SH3RF2: variants seen among roughly 807,000 people sequenced by gnomAD.
SH3RF2 encodes the protein E3 ubiquitin-protein ligase SH3RF2.
A neutral mutation model predicts 59.0 loss-of-function variants in SH3RF2; 43 were observed. That is an observed-to-expected ratio of 0.73 (90% CI 0.57 to 0.94). The LOEUF is 0.94. Among genes scored for constraint, SH3RF2 ranks in the 40% least tolerant of loss-of-function variants. The pLI is 0.00. For synonymous variants in SH3RF2, 391 were observed against 391.5 expected (o/e 1.00, Z 0.01); for missense variants, 930 against 940.1 (o/e 0.99, Z 0.14).
intron 2 of SH3RF2, among the ~76,000 whole-genome samples, chr5:145,988,736 T>A (rs1484065527): frequency 6.6e-6 from 1 of 152,218 alleles, no homozygotes; most frequent in Non-Finnish European, 1.5e-5. Context: ...GTAAGATCAC[T>A]GTGAGCTTTC....
chr5:146,002,586 A>T (rs114363180), intron 3 of SH3RF2, among the ~76,000 whole-genome samples: 1 of 152,086 alleles, frequency 6.6e-6, no homozygotes, highest in African/African-American at 2.4e-5. Flanking sequence ...GGGGCCCCCA[A>T]CCCCAGGACC....
In SH3RF2 at chr5:145,949,952, C is replaced by T. The variant is rs184027963; in HGVS notation, c.378+11646C>T. 2.6e-5 allele frequency among the ~76,000 whole-genome samples: 4 copies of T among 152,306 alleles called. No individual in the cohort carries two copies. In the East Asian group the frequency reaches 7.7e-4, roughly 29 times the overall value. Reference sequence around the variant, plus strand: ...GATATTCCTGGGATTCCTACCTTCCCATTCCAGTTGCTATCCCAAAGCCTG... The same window carrying T: ...GATATTCCTGGGATTCCTACCTTCCTATTCCAGTTGCTATCCCAAAGCCTG... On this transcript the variant is annotated intron_variant, in intron 2 of 9. Coordinates refer to ENST00000359120, the MANE Select transcript of SH3RF2 (RefSeq NM_152550.4).
chr5:145,969,051 T>C (rs575103034), intron 2 of SH3RF2, among the ~76,000 whole-genome samples: 1 of 152,274 alleles, frequency 6.6e-6, no homozygotes, highest in African/African-American at 2.4e-5. Flanking sequence ...GCTTCTCAGG[T>C]CCCACCAGAT....
chr5:145,981,534 G>A (rs896016158), intron 2 of SH3RF2, among the ~76,000 whole-genome samples: 62 of 152,034 alleles, frequency 4.1e-4, no homozygotes, highest in African/African-American at 1.4e-3. Flanking sequence ...TTTTTCCCAT[G>A]CAGTTTATTT....
chr5:146,042,443 A>G (rs1762162845), intron 5 of SH3RF2, among the ~76,000 whole-genome samples: 1 of 152,284 alleles, frequency 6.6e-6, no homozygotes, highest in Admixed American at 6.5e-5. Context: ...CCTCATAACA[A>G]CTCTAAGAGA....
chr5:146,038,089 T>C (rs1257202893), intron 5 of SH3RF2, among the ~76,000 whole-genome samples: 2 of 152,228 alleles, frequency 1.3e-5, no homozygotes, highest in African/African-American at 4.8e-5. Context: ...ATGTGATATT[T>C]TCAATAGGTA....
chr5:146,022,877 ACACACACAC>A (rs1561747548), intron 5 of SH3RF2, among the ~76,000 whole-genome samples: 1,623 of 7,302 alleles, frequency 0.22, 37 homozygotes, highest in Admixed American at 0.28. Flanking sequence ...CCATCTAAAC[ACACACACAC>A]ACACACACAC....
At position 146,049,214 on chromosome 5, in the gene SH3RF2, T is replaced by G. The variant is rs1202598669; in HGVS notation, c.1291T>G (p.Phe431Val). The G allele has an allele frequency of 1.2e-6, 2 of 1,613,500 alleles. No individual in the cohort carries two copies. Among genetic ancestry groups the G allele is most frequent in the Non-Finnish European group, 1.7e-6 (2 of 1,179,718 alleles). The change falls in exon 7 of 10, where the codon TTC (phenylalanine) becomes GTC (valine). Residue 431 changes from phenylalanine to valine, a missense_variant. By Grantham distance (50) the Phe-to-Val change is conservative. Transcript: ENST00000359120. Reference sequence around the variant, plus strand: ...CTTGGTCACCGGGCGAGTCGGCATCTTCCCAAACAATTACGTCATCCCCAT... The same window carrying G: ...CTTGGTCACCGGGCGAGTCGGCATCGTCCCAAACAATTACGTCATCCCCAT... ...VSLVTGRVGIFPNNYVIPIFR... is the reference protein window; with the variant it reads ...VSLVTGRVGIVPNNYVIPIFR...
intron 5 of SH3RF2, chr5:146,043,801 C>A (rs960923879): frequency 1.3e-5 from 2 of 152,220 alleles, no homozygotes; most frequent in African/African-American, 4.8e-5. Flanking sequence ...TTGCATGTAT[C>A]ACTGAGGAGT....
Position 146,000,125 on chromosome 5 carries a change from G to C in SH3RF2, c.446G>C (p.Gly149Ala). 1 of 1,613,840 alleles carries C rather than the reference G, an allele frequency of 6.2e-7. No individual in the cohort carries two copies. The highest frequency in any genetic ancestry group is 8.5e-7 in the Non-Finnish European group (1 of 1,179,886). ...CCCGGTGACCTAAGGTTTAATAAGG[G>C]AGATATCATCCTTCTCCGGAGACAG... ...QNPGDLRFNK[G>A]DIILLRRQLD... Residue 149 changes from glycine to alanine, a missense_variant, in exon 3 of 10, where the codon GGA (glycine) becomes GCA (alanine). By Grantham distance (60) the Gly-to-Ala change is moderately conservative. Transcript: ENST00000359120.
chr5:145,938,642 G>A (rs79495715), intron 2 of SH3RF2, among the ~76,000 whole-genome samples: 3,240 of 152,164 alleles, frequency 0.021, 123 homozygotes, highest in African/African-American at 0.074. Context: ...GGAAATGCAC[G>A]GAGGGTGGGG....
intron 7 of SH3RF2, 116 bp downstream of exon 7, chr5:146,049,361 G>A (rs1027214205): frequency 3.0e-5 from 37 of 1,247,720 alleles, no homozygotes; most frequent in African/African-American, 6.1e-5. Flanking sequence ...CCAAGAAAGC[G>A]CTTTTTGCTC....
intron 2 of SH3RF2, among the ~76,000 whole-genome samples, chr5:145,962,145 T>C (rs1026238588): frequency 6.6e-6 from 1 of 152,162 alleles, no homozygotes; most frequent in Non-Finnish European, 1.5e-5. Flanking sequence ...GAGCAATTGC[T>C]GTACCAAAGG....
rs144355535 is a variant in SH3RF2 at position 146,056,006 on chromosome 5, C to A, written c.1348C>A (p.Arg450=). 1.2e-6 allele frequency: 2 copies of A among 1,613,974 alleles called. No homozygotes were observed. Among genetic ancestry groups the A allele is most frequent in the Non-Finnish European group, 1.7e-6 (2 of 1,179,988 alleles). ...AAAGACCTCTAGTTTTCCAGACTCCCGGAGCCCTGGTCTCTACACCACATG... is the reference window on the plus strand; with the variant it reads ...AAAGACCTCTAGTTTTCCAGACTCCAGGAGCCCTGGTCTCTACACCACATG... ...FRKTSSFPDS[R]SPGLYTTWTL... Residue 450 remains arginine (R), a synonymous_variant, in exon 8 of 10, where the codon CGG becomes AGG. Coordinates refer to ENST00000359120, the MANE Select transcript of SH3RF2 (RefSeq NM_152550.4).
chr5:146,023,973 T>C (rs1761431426), intron 5 of SH3RF2, among the ~76,000 whole-genome samples: 1 of 152,256 alleles, frequency 6.6e-6, no homozygotes, highest in Non-Finnish European at 1.5e-5. Flanking sequence ...CATTCTATTG[T>C]ATGAATATAC....
At chr5:145,972,846 C>G (rs1488364393) in intron 2 of SH3RF2, among the ~76,000 whole-genome samples, 1 of 152,090 alleles carries the variant, frequency 6.6e-6, no homozygotes, top group Non-Finnish European at 1.5e-5. Context: ...CGTGCAATAC[C>G]CTGATCCTAG....
intron 2 of SH3RF2, among the ~76,000 whole-genome samples, chr5:145,961,519 G>A (rs1202424620): frequency 6.6e-6 from 1 of 152,170 alleles, no homozygotes; most frequent in Non-Finnish European, 1.5e-5. Flanking sequence ...GGACCCAAAT[G>A]CCTAAAATAC....
In SH3RF2 at chr5:146,003,174, ACT is replaced by A. The variant is rs917310458; in HGVS notation, c.649-883_649-882del. Among the ~76,000 whole-genome samples the A allele has an allele frequency of 7.9e-5, 12 of 152,214 alleles. 1 individual carries two copies. Among genetic ancestry groups the A allele is most frequent in the Non-Finnish European group, 1.8e-4 (12 of 68,044 alleles). ...AAAATGGCATTAAATTAAAAAAATCACTGTGTCCCATATGGCTTCATCTGTGT... is the reference window on the plus strand; with the variant it reads ...AAAATGGCATTAAATTAAAAAAATCAGTGTCCCATATGGCTTCATCTGTGT... On this transcript the variant is annotated intron_variant, in intron 3 of 9. Coordinates refer to ENST00000359120, the MANE Select transcript of SH3RF2 (RefSeq NM_152550.4).
At chr5:145,961,648 G>T (rs1272064782) in intron 2 of SH3RF2, among the ~76,000 whole-genome samples, 1 of 152,188 alleles carries the variant, frequency 6.6e-6, no homozygotes, top group Non-Finnish European at 1.5e-5. Context: ...CTGAAGTCGT[G>T]AATAGAGGCC....
Sources: gnomAD v4.1 joint callset for allele counts (sites outside exome capture counted in the v4.1 genomes callset) on GRCh38, gnomAD v4.1.1 for gene constraint, MANE v1.5 for transcripts, NCBI Gene and HGNC (gene_info 2026-07-23, HGNC 2026-07-21) for gene names.